FNDC3B: variants seen among roughly 807,000 people sequenced by gnomAD.
FNDC3B encodes the protein fibronectin type III domain-containing protein 3B.
A neutral mutation model predicts 151.5 loss-of-function variants in FNDC3B; 12 were observed. The observed-to-expected ratio is 0.08, with a 90% CI of 0.05 to 0.13. The LOEUF is 0.13. Among genes scored for constraint, FNDC3B ranks in the 10% least tolerant of loss-of-function variants. The pLI, the probability that FNDC3B is intolerant of heterozygous loss-of-function variation, is 1.00. For synonymous variants in FNDC3B, 528 were observed against 549.0 expected (o/e 0.96, Z 0.54); for missense variants, 1,214 against 1,505.3 (o/e 0.81, Z 3.20).
chr3:172,326,596 A>G (rs1300348443), intron 11 of FNDC3B, among the ~76,000 whole-genome samples: 1 of 152,084 alleles, frequency 6.6e-6, no homozygotes, highest in East Asian at 1.9e-4. Flanking sequence ...TACTTCTTTC[A>G]CAAGTAGAAT....
rs147302835 is a variant in FNDC3B, at chr3:172,290,734, C to T, written c.850-4629C>T. ...AGTAGTGCATCTGGGAGCAGATAGG[C>T]GGCTCTTAGCACTTCAGGAATCATA... On this transcript the variant is annotated intron_variant, in intron 7 of 25. Transcript: ENST00000415807. 4.8e-3 allele frequency among the ~76,000 whole-genome samples: 728 copies of T among 152,268 alleles called. 7 individuals are homozygous for T. Among genetic ancestry groups the T allele is most frequent in the South Asian group, 4.8e-3 (23 of 4,820 alleles).
At chr3:172,119,983 C>G (rs1350257782) in intron 2 of FNDC3B, among the ~76,000 whole-genome samples, 1 of 152,198 alleles carries the variant, frequency 6.6e-6, no homozygotes, top group Non-Finnish European at 1.5e-5. Context: ...TCAGATCTCT[C>G]TGAGTTAGTT....
intron 3 of FNDC3B, among the ~76,000 whole-genome samples, chr3:172,197,378 T>G (rs1168449297): frequency 6.6e-6 from 1 of 152,134 alleles, no homozygotes; most frequent in Non-Finnish European, 1.5e-5. Flanking sequence ...GAGAGTAAAT[T>G]GGTCTCTTGA....
At position 172,398,505 on chromosome 3, in the gene FNDC3B, C is replaced by T. The variant is rs1736401837; in HGVS notation, c.*1030C>T. 6.6e-6 allele frequency: 1 copy of T among 152,198 alleles called. No homozygotes were observed. The highest frequency in any genetic ancestry group is 1.9e-4 in the East Asian group (1 of 5,204). 9.4% of individuals were successfully genotyped at this position (152,198 alleles called of 1,614,324 possible). ...TGAATTTCAATACCTTAATTCAGTGCACATAATACTAATGTAACAGCAGAT... is the reference window on the plus strand; with the variant it reads ...TGAATTTCAATACCTTAATTCAGTGTACATAATACTAATGTAACAGCAGAT... On this transcript the variant is annotated 3_prime_UTR_variant, in exon 26 of 26. Coordinates refer to ENST00000415807, the MANE Select transcript of FNDC3B (RefSeq NM_022763.4).
At chr3:172,160,808 C>T (rs1370801623) in intron 3 of FNDC3B, among the ~76,000 whole-genome samples, 1 of 152,028 alleles carries the variant, frequency 6.6e-6, no homozygotes, top group Admixed American at 6.6e-5. Context: ...TTATATTGGC[C>T]ACAACTGTCA....
rs192967168 is a variant in FNDC3B at position 172,316,953 on chromosome 3, G to C, written c.1254+6072G>C. Among the ~76,000 whole-genome samples, 34 of 152,306 alleles carry C rather than the reference G, an allele frequency of 2.2e-4. No individual in the cohort carries two copies. The East Asian group carries it at 5.6e-3, about 25-fold the overall frequency. On this transcript the variant is annotated intron_variant, in intron 11 of 25. Transcript: ENST00000415807. ...TGTATCTGGCAAGGGCCTTCTTGCT[G>C]TGTCCTCCCATAATAGAAGACAGGA... is the stretch of plus-strand genomic sequence containing the variant.
intron 3 of FNDC3B, among the ~76,000 whole-genome samples, chr3:172,175,404 A>G (rs1576764561): frequency 6.6e-6 from 1 of 151,810 alleles, no homozygotes; most frequent in African/African-American, 2.4e-5. Flanking sequence ...GTGGTGGGGG[A>G]GGTATTACAG....
At chr3:172,295,643 A>G in intron 8 of FNDC3B, 129 bp downstream of exon 8, 1 of 738,726 alleles carries the variant, frequency 1.4e-6, no homozygotes, top group Admixed American at 2.9e-5. Context: ...AAGATTTAGT[A>G]ATAATTATAA....
At chr3:172,092,311 C>T (rs1289321313) in intron 1 of FNDC3B, among the ~76,000 whole-genome samples, 1 of 152,112 alleles carries the variant, frequency 6.6e-6, no homozygotes, top group East Asian at 1.9e-4. Flanking sequence ...AATGCCTGAG[C>T]CCCTGTCATA....
intron 1 of FNDC3B, among the ~76,000 whole-genome samples, chr3:172,056,834 G>A (rs923610600): frequency 4.6e-5 from 7 of 152,180 alleles, no homozygotes; most frequent in African/African-American, 1.7e-4. Context: ...TCTTGACCTT[G>A]CCTTTGGCTC....
chr3:172,312,925 T>A lies in FNDC3B; in HGVS notation c.1254+2044T>A, dbSNP rs112963995. Among the ~76,000 whole-genome samples, 839 of 152,290 alleles carry A rather than the reference T, an allele frequency of 5.5e-3. 10 individuals carry two copies. Among genetic ancestry groups the A allele is most frequent in the African/African-American group, 0.019 (796 of 41,564 alleles). ...CTCTGCTGAAACAGGACAGGCCACG[T>A]CTGATGACTTTTTATGTTCAGCATG... On this transcript the variant is annotated intron_variant, in intron 11 of 25. Transcript: ENST00000415807.
At chr3:172,317,636 G>T (rs1328851035) in intron 11 of FNDC3B, among the ~76,000 whole-genome samples, 1 of 152,220 alleles carries the variant, frequency 6.6e-6, no homozygotes, top group African/African-American at 2.4e-5. Context: ...GGGTACGTAA[G>T]ACTGAATGAG....
chr3:172,239,853 GTTCTTTTTTTTTTT>G (rs1727393124), intron 4 of FNDC3B, among the ~76,000 whole-genome samples: 1 of 65,876 alleles, frequency 1.5e-5, no homozygotes, highest in African/African-American at 5.7e-5. Flanking sequence ...ATCCATTTTA[GTTCTTTTTTTTTTT>G]TTTTTTTTTT....
intron 7 of FNDC3B, among the ~76,000 whole-genome samples, chr3:172,291,538 G>A (rs538726275): frequency 6.6e-6 from 1 of 152,332 alleles, no homozygotes; most frequent in African/African-American, 2.4e-5. Flanking sequence ...CTCAAAAGCA[G>A]TTTAGTTTAA....
At chr3:172,317,515 G>A (rs754368116) in intron 11 of FNDC3B, among the ~76,000 whole-genome samples, 15 of 152,058 alleles carry the variant, frequency 9.9e-5, no homozygotes, top group Non-Finnish European at 2.2e-4. Flanking sequence ...TAAACATGGG[G>A]GACACATTCA....
At chr3:172,222,853 CAG>C (rs367813683) in intron 3 of FNDC3B, among the ~76,000 whole-genome samples, 61 of 152,296 alleles carry the variant, frequency 4.0e-4, no homozygotes, top group African/African-American at 1.4e-3. Flanking sequence ...AGGGAAGAAA[CAG>C]AGGATGAGGC....
At chr3:172,207,933 G>A (rs1267994217) in intron 3 of FNDC3B, among the ~76,000 whole-genome samples, 1 of 151,988 alleles carries the variant, frequency 6.6e-6, no homozygotes, top group Non-Finnish European at 1.5e-5. Context: ...GGCAACAAGA[G>A]CAAAACTCCA....
rs1167627679 is a variant in FNDC3B, at chr3:172,392,810, C to CTTTTTT, written c.3304-4347_3304-4342dup. ...GAATGAATTTTTTCTTTTTTTTTTT[C>CTTTTTT]TTTTTTTTTTTTCAGACAGAGAGTA... On this transcript the variant is annotated intron_variant, in intron 25 of 25. Coordinates refer to ENST00000415807, the MANE Select transcript of FNDC3B (RefSeq NM_022763.4). Among the ~76,000 whole-genome samples the CTTTTTT allele has an allele frequency of 2.8e-4, 28 of 99,900 alleles. 3 individuals carry two copies. Among genetic ancestry groups the CTTTTTT allele is most frequent in the African/African-American group, 8.2e-4 (23 of 27,944 alleles). The allele number at this position is 99,900 out of a possible 152,430, so 65.5% of individuals were successfully genotyped here.
chr3:172,089,240 A>C (rs1194023594), intron 1 of FNDC3B, among the ~76,000 whole-genome samples: 1 of 152,220 alleles, frequency 6.6e-6, no homozygotes, highest in African/African-American at 2.4e-5. Flanking sequence ...TCTTGTTTCC[A>C]AATTAAATAT....
Sources: gnomAD v4.1 joint callset for allele counts (sites outside exome capture counted in the v4.1 genomes callset) on GRCh38, gnomAD v4.1.1 for gene constraint, MANE v1.5 for transcripts, NCBI Gene and HGNC (gene_info 2026-07-23, HGNC 2026-07-21) for gene names.